Variants in ZNF185 observed in about 807,000 individuals in gnomAD.
ZNF185 encodes the protein zinc finger protein 185 with LIM domain, also known as zinc finger protein 185.
Under a neutral mutation model 58.6 loss-of-function variants are expected in ZNF185, and 56 were observed. That is an observed-to-expected ratio of 0.95 (90% CI 0.77 to 1.19). The LOEUF is 1.19. Among genes scored for constraint, ZNF185 ranks in the 50% most tolerant of loss-of-function variants. ZNF185 has a pLI of 0.00. For missense variants in ZNF185, 627 were observed against 573.5 expected, an observed-to-expected ratio of 1.09 and a Z score of -0.95; for synonymous variants, 230 against 215.9, an observed-to-expected ratio of 1.07 and a Z score of -0.57.
chrX:152,943,399 C>T (rs1569509502), intron 15 of ZNF185, among the ~76,000 whole-genome samples: 1 of 112,324 alleles, frequency 8.9e-6, no homozygotes. Context: ...CAATTACACT[C>T]AGAAGGAAAG....
chrX:152,967,853 C>G (rs1430826350), intron 20 of ZNF185, among the ~76,000 whole-genome samples: 1 of 112,135 alleles, frequency 8.9e-6, no homozygotes, highest in Non-Finnish European at 1.9e-5. Context: ...ATTGAGTTCA[C>G]TCAGGCTTCT....
chrX:152,906,588 C>T, the ZNF185 span, among the ~76,000 whole-genome samples: 1 of 112,867 alleles, frequency 8.9e-6, no homozygotes, highest in East Asian at 2.8e-4. Context: ...CCCTTCTTGC[C>T]CTGTCCAGCT....
At chrX:152,941,665 G>T in intron 15 of ZNF185, 1 of 1,161,476 alleles carries the variant, frequency 8.6e-7, no homozygotes, top group Non-Finnish European at 1.1e-6. Context: ...CCCCGAACTC[G>T]GTCGCAGTGC....
At chrX:152,958,054 A>T (rs185026407) in intron 16 of ZNF185, among the ~76,000 whole-genome samples, 3,896 of 111,601 alleles carry the variant, frequency 0.035, 177 homozygotes, top group African/African-American at 0.12. Context: ...ATTTTTTTTT[A>T]AAATGCACTT....
exon 20 of ZNF185, chrX:152,967,174 A>G (rs1556915317): frequency 2.5e-6 from 3 of 1,211,166 alleles, no homozygotes; most frequent in Non-Finnish European, 3.4e-6. Context: ...CAGCGTCAGC[A>G]GCATTGAGGA....
chrX:152,960,664 ATAAT>A (rs781837110), intron 17 of ZNF185, among the ~76,000 whole-genome samples: 20 of 112,518 alleles, frequency 1.8e-4, no homozygotes, highest in Non-Finnish European at 3.4e-4. Flanking sequence ...ACATTTGAAA[ATAAT>A]TGAGTTTTGA....
chrX:152,914,981 G>C (rs1282462215), intron 2 of ZNF185, 148 bp downstream of exon 3: 1 of 1,001,229 alleles, frequency 1.0e-6, no homozygotes, highest in Non-Finnish European at 1.4e-6. Flanking sequence ...AGGCTATCCA[G>C]CAATGTCACA....
chrX:152,956,753 ACAGTATTTTTATTTTGACAATGCCT>A (rs1190990464), intron 16 of ZNF185, among the ~76,000 whole-genome samples: 3,690 of 112,088 alleles, frequency 0.033, 139 homozygotes, highest in African/African-American at 0.11. Flanking sequence ...ACAAAACAAA[ACAGTATTTTTATTTTGACAATGCCT>A]CCCATGATTT....
intron 16 of ZNF185, among the ~76,000 whole-genome samples, chrX:152,952,495 T>C (rs1421903008): frequency 1.8e-5 from 2 of 112,209 alleles, no homozygotes; most frequent in Non-Finnish European, 3.8e-5. Flanking sequence ...AACATACATG[T>C]ATACTAAACA....
intron 17 of ZNF185, among the ~76,000 whole-genome samples, chrX:152,963,435 G>A (rs2049760473): frequency 8.9e-6 from 1 of 112,522 alleles, no homozygotes; most frequent in Admixed American, 9.4e-5. Context: ...CCTGCAGGGT[G>A]GCAGAAGGAG....
At chrX:152,927,407 G>A (rs1456519448) in intron 11 of ZNF185, among the ~76,000 whole-genome samples, 22 of 111,173 alleles carry the variant, frequency 2.0e-4, no homozygotes, top group Admixed American at 1.7e-3. Context: ...TGAGCAGCCC[G>A]CTGACCCAGC....
In ZNF185 at chrX:152,920,808, C is replaced by G. The variant is rs932334499; in HGVS notation, c.656+60C>G. 1.1e-5 allele frequency: 13 copies of G among 1,149,263 alleles called. No homozygotes were observed. The Admixed American group carries it at 2.8e-4, about 25-fold the overall frequency. The allele number at this position is 1,149,263 out of a possible 1,213,427, so 94.7% of individuals were successfully genotyped here. ...TACTGGCCACAGGAAGGCCTTCCGT[C>G]AGCAGGGGTGTAGTGTGGGAGCTGT... On this transcript the variant is annotated intron_variant, in intron 9 of 22. Coordinates refer to ENST00000449285, the Ensembl canonical transcript of ZNF185.
intron 16 of ZNF185, among the ~76,000 whole-genome samples, chrX:152,958,394 C>T (rs2049071581): frequency 1.8e-5 from 2 of 111,130 alleles, no homozygotes; most frequent in African/African-American, 6.6e-5. Context: ...GCAGCAGGAA[C>T]AAGGAAGTTC....
chrX:152,936,998 TCCCATG>T lies in ZNF185; in HGVS notation c.1122-1074_1122-1069del, dbSNP rs1423040669. On this transcript the variant is annotated intron_variant, in intron 14 of 22. Coordinates refer to ENST00000449285, the Ensembl canonical transcript of ZNF185. ...GGTACAATGGGAAGAAGCTGTGCAT[TCCCATG>T]CTGTAAGCGTCTGCCCTGTTTCACC... 2.7e-5 allele frequency among the ~76,000 whole-genome samples: 3 copies of T among 111,817 alleles called. No homozygotes were observed. The East Asian group carries it at 8.5e-4, about 32-fold the overall frequency.
In ZNF185 at chrX:152,920,594, G is replaced by A. The variant is rs1939496976; in HGVS notation, c.615-113G>A. The A allele has an allele frequency of 1.4e-5, 15 of 1,043,831 alleles. No homozygotes were observed. The South Asian group carries it at 2.8e-4, about 19-fold the overall frequency. The allele number at this position is 1,043,831 out of a possible 1,213,427, so 86.0% of individuals were successfully genotyped here. On this transcript the variant is annotated intron_variant, in intron 8 of 22. Transcript: ENST00000449285. ...GAGAGGTCTGGCGGCTACCACCAGG[G>A]ACAGTGAAGTGCCGGGAATGGAGAG...
At chrX:152,905,746 A>G in the ZNF185 span, among the ~76,000 whole-genome samples, 58 of 109,915 alleles carry the variant, frequency 5.3e-4, no homozygotes, top group African/African-American at 1.9e-3. Flanking sequence ...CTGGGAGGGA[A>G]CTGCCTCCCT....
Position 152,942,842 on chromosome X carries a change from C to G in ZNF185, c.1212-2425C>G, listed in dbSNP as rs140755008. On this transcript the variant is annotated intron_variant, in intron 15 of 22. Transcript: ENST00000449285. ...TGTCAGCTGGGTGCAGTGGCTCATA[C>G]CCACCTGTAATCCTATACTTTGAGA... 5.5e-3 allele frequency among the ~76,000 whole-genome samples: 610 copies of G among 111,340 alleles called. 4 individuals are homozygous for G. The highest frequency in any genetic ancestry group is 0.019 in the African/African-American group (580 of 30,540).
intron 21 of ZNF185, among the ~76,000 whole-genome samples, chrX:152,969,810 C>T (rs1556917783): frequency 1.8e-5 from 2 of 112,656 alleles, no homozygotes; most frequent in African/African-American, 6.5e-5. Flanking sequence ...AGTGTTCTAG[C>T]TTGCGTGGGA....
intron 17 of ZNF185, among the ~76,000 whole-genome samples, chrX:152,963,206 A>G (rs1457526697): frequency 8.8e-6 from 1 of 113,029 alleles, no homozygotes; most frequent in African/African-American, 3.2e-5. Context: ...GAGAGCCGAT[A>G]TTGGCTTGGC....
Sources: allele counts gnomAD v4.1 joint callset (sites outside exome capture counted in the v4.1 genomes callset), GRCh38; gene constraint gnomAD v4.1.1; transcripts MANE v1.5; gene names NCBI Gene and HGNC (gene_info 2026-07-23, HGNC 2026-07-21).